CFAP47: variants seen among roughly 807,000 people sequenced by gnomAD.
The protein encoded by CFAP47 is cilia and flagella associated protein 47, also known as cilia- and flagella-associated protein 47.
In CFAP47, 29 loss-of-function variants were observed where a neutral mutation model predicts 148.1. The observed-to-expected ratio is 0.20, with a 90% CI of 0.15 to 0.27. CFAP47 has a LOEUF of 0.27. Among genes scored for constraint, CFAP47 ranks in the 10% least tolerant of loss-of-function variants. The pLI is 1.00. For missense variants in CFAP47, 1,872 were observed against 1,697.5 expected (o/e 1.10, Z -1.81); for synonymous variants, 664 against 577.3 (o/e 1.15, Z -2.15).
chrX:36,194,608 A>G (rs1939900109), intron 42 of CFAP47, among the ~76,000 whole-genome samples: 1 of 111,745 alleles, frequency 8.9e-6, no homozygotes, highest in Non-Finnish European at 1.9e-5. Context: ...GGCCACAGGA[A>G]ACTTACAATT....
Position 36,229,318 on chromosome X carries a change from T to C in CFAP47, c.7014+494T>C, listed in dbSNP as rs150239712. On this transcript the variant is annotated intron_variant, in intron 46 of 63. Coordinates refer to ENST00000378653, the MANE Select transcript of CFAP47 (RefSeq NM_001304548.2). ...TTTATTTGTCTAATTATTAAAGACA[T>C]GACAAAAGTCAATCTGAAGCACAAA... Among the ~76,000 whole-genome samples the C allele has an allele frequency of 2.1e-3, 231 of 112,034 alleles. 1 individual carries two copies. Among genetic ancestry groups the C allele is most frequent in the African/African-American group, 7.0e-3 (217 of 30,914 alleles).
intron 54 of CFAP47, among the ~76,000 whole-genome samples, chrX:36,304,395 A>G (rs75716998): frequency 6.0e-3 from 651 of 108,841 alleles, no homozygotes; most frequent in African/African-American, 0.021. Context: ...AAGTAATCAA[A>G]AAAAAAAAAA....
At chrX:36,274,100 C>T (rs1386357702) in intron 49 of CFAP47, among the ~76,000 whole-genome samples, 7 of 111,701 alleles carry the variant, frequency 6.3e-5, no homozygotes, top group African/African-American at 2.3e-4. Flanking sequence ...CTATAATATA[C>T]AGTCTTGTAA....
Position 36,159,741 on chromosome X carries a change from T to C in CFAP47, c.5937+165T>C, listed in dbSNP as rs1176935709. The stretch of plus-strand genomic sequence containing the variant: ...TAAAGCAGTTCTGGGCCTGTGTCTG[T>C]GTTTTTGCTGGACTAAGGGTTGATA... On this transcript the variant is annotated intron_variant, in intron 38 of 63. Coordinates refer to ENST00000378653, the MANE Select transcript of CFAP47 (RefSeq NM_001304548.2). 4.5e-5 allele frequency among the ~76,000 whole-genome samples: 5 copies of C among 111,981 alleles called. No individual in the cohort carries two copies. The East Asian group carries it at 1.4e-3, about 31-fold the overall frequency.
At chrX:36,379,228 A>T in intron 62 of CFAP47, 122 bp from the exon 63 acceptor site, 2 of 589,482 alleles carry the variant, frequency 3.4e-6, no homozygotes. Flanking sequence ...TTTGGTAAGC[A>T]TTCAGCATTA....
At chrX:35,943,380 C>G (rs1936038978) in intron 3 of CFAP47, among the ~76,000 whole-genome samples, 1 of 111,647 alleles carries the variant, frequency 9.0e-6, no homozygotes, top group African/African-American at 3.2e-5. Flanking sequence ...TCTTTGTTTT[C>G]TCTCTCTGGT....
At chrX:36,034,444 C>T (rs1457171509) in intron 23 of CFAP47, among the ~76,000 whole-genome samples, 1 of 111,083 alleles carries the variant, frequency 9.0e-6, no homozygotes, top group Non-Finnish European at 1.9e-5. Context: ...TTTTAGCCTA[C>T]AATCAAGTGG....
chrX:35,939,048 G>A (rs181479730), intron 2 of CFAP47, among the ~76,000 whole-genome samples: 130 of 111,407 alleles, frequency 1.2e-3, no homozygotes, highest in Non-Finnish European at 5.1e-4. Context: ...AAATGGGAGA[G>A]GAATTGTGAA....
chrX:36,037,597 G>A (rs1031205275), intron 24 of CFAP47, among the ~76,000 whole-genome samples: 12 of 110,894 alleles, frequency 1.1e-4, no homozygotes, highest in Non-Finnish European at 1.7e-4. Context: ...AGATGAGAGA[G>A]AAAACACTCT....
chrX:36,345,779 G>C (rs1438248669), intron 57 of CFAP47, among the ~76,000 whole-genome samples: 7 of 111,411 alleles, frequency 6.3e-5, no homozygotes, highest in African/African-American at 1.6e-4. Flanking sequence ...CCTGAATATA[G>C]TCAATACTCA....
intron 23 of CFAP47, among the ~76,000 whole-genome samples, chrX:36,032,694 A>G (rs66567441): frequency 0.083 from 9,155 of 110,961 alleles, 945 homozygotes; most frequent in African/African-American, 0.28. Flanking sequence ...ACCATAAAAT[A>G]CTCATGCTGC....
chrX:36,302,128 A>G (rs1941304128), intron 53 of CFAP47, among the ~76,000 whole-genome samples: 1 of 109,545 alleles, frequency 9.1e-6, no homozygotes. Flanking sequence ...TAATATACGA[A>G]GCAGATGCTT....
chrX:36,341,037 C>CTTT (rs11450233), intron 57 of CFAP47, among the ~76,000 whole-genome samples: 1 of 89,621 alleles, frequency 1.1e-5, no homozygotes, highest in African/African-American at 4.3e-5. Context: ...CTTTTCTTTT[C>CTTT]TTTTTTTTTT....
chrX:36,348,935 C>A (rs1356646184), intron 58 of CFAP47, among the ~76,000 whole-genome samples: 1 of 111,436 alleles, frequency 9.0e-6, no homozygotes, highest in Non-Finnish European at 1.9e-5. Context: ...GTGCATATTT[C>A]TTTCCTTCAT....
chrX:35,999,645 G>T (rs1057219797), intron 19 of CFAP47, among the ~76,000 whole-genome samples: 4 of 112,213 alleles, frequency 3.6e-5, no homozygotes, highest in Admixed American at 2.8e-4. Context: ...ATCCATCTGG[G>T]GTTTGAAGGA....
At chrX:36,180,002 G>C (rs1939731684) in intron 40 of CFAP47, among the ~76,000 whole-genome samples, 1 of 111,023 alleles carries the variant, frequency 9.0e-6, no homozygotes, top group African/African-American at 3.3e-5. Context: ...CACCTTGTTT[G>C]ACCTCAGCTG....
chrX:36,142,687 A>G lies in CFAP47; in HGVS notation c.5536-2532A>G, dbSNP rs1431418391. Among the ~76,000 whole-genome samples the G allele has an allele frequency of 3.6e-5, 4 of 111,705 alleles. No individual in the cohort carries two copies. In the East Asian group the frequency reaches 1.1e-3, roughly 31 times the overall value. The stretch of plus-strand genomic sequence containing the variant: ...AATGTCTTATTAAATATAGTTTCCC[A>G]TTAAAAACGTATTTTTTAATTTGCC... On this transcript the variant is annotated intron_variant, in intron 35 of 63. Coordinates refer to ENST00000378653, the MANE Select transcript of CFAP47 (RefSeq NM_001304548.2).
At chrX:35,941,463 C>T (rs1234056464) in intron 3 of CFAP47, 65 bp downstream of exon 3, 2 of 566,422 alleles carry the variant, frequency 3.5e-6, no homozygotes, top group Non-Finnish European at 5.4e-6. Context: ...AAATGTATAC[C>T]TTGTGTAATA....
At chrX:36,078,558 T>C (rs947422658) in intron 29 of CFAP47, among the ~76,000 whole-genome samples, 3 of 110,739 alleles carry the variant, frequency 2.7e-5, no homozygotes, top group Non-Finnish European at 3.8e-5. Context: ...ATTTGCTTGG[T>C]AAATCTTCCT....
Sources: allele counts gnomAD v4.1 joint callset (sites outside exome capture counted in the v4.1 genomes callset), GRCh38; gene constraint gnomAD v4.1.1; transcripts MANE v1.5; gene names NCBI Gene and HGNC (gene_info 2026-07-23, HGNC 2026-07-21).